Variants in EYA1 observed in about 807,000 individuals in gnomAD.
EYA1 encodes EYA transcriptional coactivator and phosphatase 1.
In EYA1, 16 loss-of-function variants were observed where a neutral mutation model predicts 82.0. That is an observed-to-expected ratio of 0.20 (90% CI 0.13 to 0.30). The LOEUF is 0.30. Ranked by LOEUF, EYA1 falls within the 10% of genes least tolerant of loss-of-function variation. EYA1 has a pLI of 1.00. For missense variants in EYA1, 633 were observed against 730.7 expected, an observed-to-expected ratio of 0.87 and a Z score of 1.54; for synonymous variants, 261 against 264.4, an observed-to-expected ratio of 0.99 and a Z score of 0.12.
At chr8:71,227,988 A>T (rs965785761) in intron 12 of EYA1, among the ~76,000 whole-genome samples, 1 of 152,358 alleles carries the variant, frequency 6.6e-6, no homozygotes, top group South Asian at 2.1e-4. Flanking sequence ...CTCAGAATAA[A>T]TCAGGCCCAA....
chr8:71,313,849 A>T (rs952208522), intron 7 of EYA1, among the ~76,000 whole-genome samples: 2 of 152,218 alleles, frequency 1.3e-5, no homozygotes. Flanking sequence ...TCAGCAAAAC[A>T]CTTAGAGGAT....
chr8:71,400,836 C>T (rs949869520), intron 2 of EYA1, among the ~76,000 whole-genome samples: 1 of 152,100 alleles, frequency 6.6e-6, no homozygotes, highest in South Asian at 2.1e-4. Context: ...CATATGCATG[C>T]ATATGTTCAC....
intron 3 of EYA1, among the ~76,000 whole-genome samples, chr8:71,345,340 C>T (rs557853396): frequency 6.6e-6 from 1 of 152,284 alleles, no homozygotes; most frequent in Admixed American, 6.5e-5. Context: ...ACCAACTCAT[C>T]TAACAGTTGT....
At chr8:71,464,254 C>T (rs1283661717) in intron 2 of EYA1, among the ~76,000 whole-genome samples, 2 of 152,142 alleles carry the variant, frequency 1.3e-5, no homozygotes, top group Admixed American at 6.5e-5. Context: ...AGTTTCACAC[C>T]AATCTTTGTA....
chr8:71,206,611 G>GAATT (rs1463127613), intron 17 of EYA1, among the ~76,000 whole-genome samples: 3 of 152,280 alleles, frequency 2.0e-5, no homozygotes, highest in East Asian at 3.9e-4. Context: ...GATTTTGGCC[G>GAATT]AATTATTCAC....
At chr8:71,535,546 C>T (rs1170754215) in intron 2 of EYA1, among the ~76,000 whole-genome samples, 1 of 152,066 alleles carries the variant, frequency 6.6e-6, no homozygotes, top group Non-Finnish European at 1.5e-5. Context: ...ATAACTGATA[C>T]CTCTGAGAAA....
chr8:71,331,245 TACACACACACAC>T (rs147776263), intron 4 of EYA1, among the ~76,000 whole-genome samples: 5,002 of 136,530 alleles, frequency 0.037, 105 homozygotes, highest in Middle Eastern at 0.1. Context: ...AATAAATAAA[TACACACACACAC>T]ACACACACAC....
intron 3 of EYA1, among the ~76,000 whole-genome samples, chr8:71,349,015 C>T (rs1433437456): frequency 1.3e-5 from 2 of 152,174 alleles, no homozygotes; most frequent in Non-Finnish European, 2.9e-5. Flanking sequence ...ATATAATAAC[C>T]ATTATAATGA....
intron 2 of EYA1, among the ~76,000 whole-genome samples, chr8:71,422,821 G>A (rs929581037): frequency 3.3e-5 from 5 of 152,216 alleles, no homozygotes; most frequent in African/African-American, 1.2e-4. Flanking sequence ...CCGCCCCCAT[G>A]ACTAAATTAC....
At chr8:71,209,108 G>A (rs538283242) in intron 17 of EYA1, among the ~76,000 whole-genome samples, 1 of 152,356 alleles carries the variant, frequency 6.6e-6, no homozygotes, top group Admixed American at 6.5e-5. Flanking sequence ...GGCCATACTG[G>A]TCAGAGGTAC....
chr8:71,439,017 C>A (rs1170354159), intron 2 of EYA1, among the ~76,000 whole-genome samples: 5 of 152,012 alleles, frequency 3.3e-5, no homozygotes, highest in Non-Finnish European at 7.4e-5. Context: ...AGGCTACCTA[C>A]CATCAGGTAG....
intron 2 of EYA1, among the ~76,000 whole-genome samples, chr8:71,509,854 T>A (rs1812465035): frequency 6.6e-6 from 1 of 152,058 alleles, no homozygotes; most frequent in Non-Finnish European, 1.5e-5. Context: ...AAATATTCAT[T>A]TCCTGCCTTA....
chr8:71,306,712 G>A (rs1820779117), intron 7 of EYA1, among the ~76,000 whole-genome samples: 1 of 152,098 alleles, frequency 6.6e-6, no homozygotes, highest in South Asian at 2.1e-4. Context: ...CCTCACCCAA[G>A]TCTCATCTGT....
chr8:71,463,170 G>A (rs1586767072), intron 2 of EYA1, among the ~76,000 whole-genome samples: 2 of 152,290 alleles, frequency 1.3e-5, no homozygotes, highest in East Asian at 3.9e-4. Context: ...CATTTCACGT[G>A]TTCAATAGCC....
At chr8:71,417,444 T>C (rs1830914910) in intron 2 of EYA1, among the ~76,000 whole-genome samples, 1 of 152,220 alleles carries the variant, frequency 6.6e-6, no homozygotes, top group African/African-American at 2.4e-5. Flanking sequence ...TAGAAAGCCA[T>C]TTTTTGCCTA....
chr8:71,433,589 A>G (rs1364307925), intron 2 of EYA1, among the ~76,000 whole-genome samples: 1 of 152,234 alleles, frequency 6.6e-6, no homozygotes, highest in South Asian at 2.1e-4. Context: ...AAGACCAGAA[A>G]CAGGCAACGT....
intron 12 of EYA1, among the ~76,000 whole-genome samples, chr8:71,233,563 CAAAAAAAAA>C (rs767423332): frequency 1.5e-5 from 1 of 64,674 alleles, no homozygotes; most frequent in South Asian, 5.0e-4. Context: ...GACTCCGTCT[CAAAAAAAAA>C]AAAAAAAGAA....
chr8:71,264,463 A>C (rs1393639403), intron 11 of EYA1, among the ~76,000 whole-genome samples: 1 of 152,198 alleles, frequency 6.6e-6, no homozygotes, highest in Non-Finnish European at 1.5e-5. Context: ...TTATAAAACA[A>C]ATACTCTAGA....
At chr8:71,441,883 GAA>G (rs894811023) in intron 2 of EYA1, among the ~76,000 whole-genome samples, 16 of 152,072 alleles carry the variant, frequency 1.1e-4, no homozygotes, top group African/African-American at 3.4e-4. Context: ...TTATAAAAAA[GAA>G]AAAGAGACAT....
Sources: gnomAD v4.1 joint callset for allele counts (sites outside exome capture counted in the v4.1 genomes callset) on GRCh38, gnomAD v4.1.1 for gene constraint, MANE v1.5 for transcripts, NCBI Gene and HGNC (gene_info 2026-07-23, HGNC 2026-07-21) for gene names.